Variants in PLXNA4 observed in about 807,000 individuals in gnomAD.
PLXNA4 encodes plexin A4, also known as plexin-A4.
A neutral mutation model predicts 191.8 loss-of-function variants in PLXNA4; 44 were observed. That is an observed-to-expected ratio of 0.23 (90% CI 0.18 to 0.29). PLXNA4 has a LOEUF of 0.29. Ranked by LOEUF, PLXNA4 falls within the 10% of genes least tolerant of loss-of-function variation. The pLI is 1.00. For synonymous variants in PLXNA4, 1,082 were observed against 1,009.5 expected, an observed-to-expected ratio of 1.07 and a Z score of -1.36; for missense variants, 1,800 against 2,488.8, an observed-to-expected ratio of 0.72 and a Z score of 5.89.
At chr7:132,183,899 A>G (rs1057069821) in intron 16 of PLXNA4, among the ~76,000 whole-genome samples, 2 of 152,236 alleles carry the variant, frequency 1.3e-5, no homozygotes, top group African/African-American at 4.8e-5. Flanking sequence ...TAGGCTTTAC[A>G]GGCCATATGG....
At chr7:132,628,961 T>G (rs1392052048) in intron 2 of PLXNA4, among the ~76,000 whole-genome samples, 5 of 152,268 alleles carry the variant, frequency 3.3e-5, no homozygotes. Flanking sequence ...AGATGTCTTA[T>G]GTCCTTGGCT....
intron 3 of PLXNA4, among the ~76,000 whole-genome samples, chr7:132,414,330 T>C (rs73438703): frequency 0.033 from 5,032 of 152,296 alleles, 274 homozygotes; most frequent in African/African-American, 0.12. Flanking sequence ...TTTGGTTTAT[T>C]GGAAACTCTC....
At chr7:132,224,073 G>A (rs917172338) in intron 8 of PLXNA4, among the ~76,000 whole-genome samples, 3 of 152,162 alleles carry the variant, frequency 2.0e-5, no homozygotes, top group African/African-American at 7.2e-5. Context: ...GGAAGTGACT[G>A]AGGCTGCTGT....
In PLXNA4 at chr7:132,185,492, C is replaced by T. The variant is rs117274958; in HGVS notation, c.2994-29G>A. On this transcript the variant is annotated intron_variant, in intron 15 of 31. Transcript: ENST00000321063. ...GAGGGCAGGAAGACAGAGCACTGGGCGCCTGGTGTTGAGGAGGACAGAGGT... is the reference window on the plus strand; with the variant it reads ...GAGGGCAGGAAGACAGAGCACTGGGTGCCTGGTGTTGAGGAGGACAGAGGT... 6.0e-4 allele frequency: 962 copies of T among 1,596,874 alleles called. 11 individuals are homozygous for T. The East Asian group carries it at 0.019, about 31-fold the overall frequency.
intron 22 of PLXNA4, among the ~76,000 whole-genome samples, chr7:132,166,592 T>A (rs911594743): frequency 2.2e-4 from 33 of 151,160 alleles, no homozygotes; most frequent in Admixed American, 6.6e-5. Flanking sequence ...CGGCACAAAA[T>A]GAAGCTGGTA....
At chr7:132,252,048 A>C (rs1417586836) in intron 4 of PLXNA4, among the ~76,000 whole-genome samples, 1 of 152,124 alleles carries the variant, frequency 6.6e-6, no homozygotes, top group Non-Finnish European at 1.5e-5. Flanking sequence ...AGGAATTCTA[A>C]ATCATCTTCG....
chr7:132,218,595 C>CA (rs1209297034), intron 9 of PLXNA4, among the ~76,000 whole-genome samples: 31 of 152,322 alleles, frequency 2.0e-4, no homozygotes, highest in African/African-American at 6.7e-4. Flanking sequence ...CCTCAAGCAT[C>CA]ATCTTTAAGT....
At chr7:132,459,345 G>A (rs1432803274) in intron 3 of PLXNA4, among the ~76,000 whole-genome samples, 1 of 152,192 alleles carries the variant, frequency 6.6e-6, no homozygotes, top group African/African-American at 2.4e-5. Context: ...TCGGGGAAAC[G>A]ATCTCCCACC....
intron 3 of PLXNA4, among the ~76,000 whole-genome samples, chr7:132,332,039 C>T (rs557471265): frequency 9.9e-5 from 15 of 152,168 alleles, no homozygotes; most frequent in Admixed American, 1.3e-4. Context: ...TCTGAATACA[C>T]GACTTCTAAA....
At chr7:132,419,782 C>T (rs769785513) in intron 3 of PLXNA4, among the ~76,000 whole-genome samples, 1 of 152,240 alleles carries the variant, frequency 6.6e-6, no homozygotes, top group Non-Finnish European at 1.5e-5. Context: ...AACCACTCAA[C>T]ATTTCCGTTG....
intron 20 of PLXNA4, 50 bp downstream of exon 20, chr7:132,179,637 T>TATGCACACACGCACACACAC: frequency 1.3e-6 from 2 of 1,589,992 alleles, no homozygotes; most frequent in Non-Finnish European, 1.7e-6. Flanking sequence ...TGCACACACA[T>TATGCACACACGCACACACAC]ATGCACACAC....
intron 2 of PLXNA4, among the ~76,000 whole-genome samples, chr7:132,583,149 T>A (rs1200789321): frequency 6.6e-6 from 1 of 152,092 alleles, no homozygotes; most frequent in African/African-American, 2.4e-5. Flanking sequence ...TTGTGCCGAG[T>A]CCTGTTCACT....
At chr7:132,398,411 A>C (rs1305098144) in intron 3 of PLXNA4, among the ~76,000 whole-genome samples, 1 of 152,186 alleles carries the variant, frequency 6.6e-6, no homozygotes, top group Non-Finnish European at 1.5e-5. Context: ...TTCGTGTCGC[A>C]ACAAGGAACC....
chr7:132,262,333 T>C (rs1799676899), intron 4 of PLXNA4, among the ~76,000 whole-genome samples: 2 of 152,132 alleles, frequency 1.3e-5, no homozygotes, highest in Non-Finnish European at 2.9e-5. Context: ...ATCTCCGTCA[T>C]TAGGCTGTGG....
intron 15 of PLXNA4, 29 bp from the exon 16 acceptor site, chr7:132,185,492 C>A (rs117274958): frequency 6.3e-7 from 1 of 1,596,874 alleles, no homozygotes; most frequent in Non-Finnish European, 8.5e-7. Context: ...GAGCACTGGG[C>A]GCCTGGTGTT....
chr7:132,434,417 ACT>A (rs1341967343), intron 3 of PLXNA4, among the ~76,000 whole-genome samples: 1 of 152,124 alleles, frequency 6.6e-6, no homozygotes, highest in Non-Finnish European at 1.5e-5. Flanking sequence ...GTAGGTGAAC[ACT>A]CTGTGCATGC....
intron 29 of PLXNA4, among the ~76,000 whole-genome samples, chr7:132,141,303 G>A (rs1238300711): frequency 6.6e-6 from 1 of 152,110 alleles, no homozygotes; most frequent in Non-Finnish European, 1.5e-5. Context: ...CTCCCTGCCT[G>A]GGCCTCTCAG....
chr7:132,186,231 C>A (rs1229341214), intron 15 of PLXNA4, among the ~76,000 whole-genome samples: 4 of 152,182 alleles, frequency 2.6e-5, no homozygotes, highest in African/African-American at 9.7e-5. Flanking sequence ...GACAGGTGTG[C>A]CCTTCTGGGG....
intron 4 of PLXNA4, among the ~76,000 whole-genome samples, chr7:132,277,967 C>T (rs150892044): frequency 1.5e-3 from 231 of 152,284 alleles, no homozygotes; most frequent in African/African-American, 5.3e-3. Flanking sequence ...TTGGGAATGT[C>T]GCTTGCCAGC....
Sources: allele counts gnomAD v4.1 joint callset (sites outside exome capture counted in the v4.1 genomes callset), GRCh38; gene constraint gnomAD v4.1.1; transcripts MANE v1.5; gene names NCBI Gene and HGNC (gene_info 2026-07-23, HGNC 2026-07-21).